Variants in PCDH15 observed in about 807,000 individuals in gnomAD.
PCDH15 encodes protocadherin related 15.
In PCDH15, 129 loss-of-function variants were observed where a neutral mutation model predicts 178.5. The observed-to-expected ratio is 0.72, with a 90% CI of 0.63 to 0.84. The LOEUF (loss-of-function observed/expected upper bound fraction) is 0.84. Ranked by LOEUF, PCDH15 falls within the 40% of genes least tolerant of loss-of-function variation. The probability of loss-of-function intolerance (pLI) is 0.00; values close to 1 mark genes in which losing one functional copy is unlikely to be tolerated. For missense variants in PCDH15, 2,230 were observed against 2,099.9 expected, an observed-to-expected ratio of 1.06 and a Z score of -1.21; for synonymous variants, 800 against 732.0, an observed-to-expected ratio of 1.09 and a Z score of -1.50.
At chr10:55,423,144 T>C (rs1838663978) in intron 2 of PCDH15, among the ~76,000 whole-genome samples, 1 of 151,902 alleles carries the variant, frequency 6.6e-6, no homozygotes, top group Admixed American at 6.6e-5. Context: ...AAAATTATCA[T>C]AAATCTGTAA....
chr10:55,583,826 A>G (rs938406091), intron 2 of PCDH15, among the ~76,000 whole-genome samples: 3 of 152,258 alleles, frequency 2.0e-5, no homozygotes, highest in Admixed American at 2.0e-4. Flanking sequence ...ATATAAAAAG[A>G]TTCAGAAAAT....
intron 28 of PCDH15, among the ~76,000 whole-genome samples, chr10:53,841,687 T>C (rs2077655690): frequency 6.6e-6 from 1 of 152,214 alleles, no homozygotes; most frequent in African/African-American, 2.4e-5. Context: ...TTCATTATTT[T>C]CCTTTTCTGT....
chr10:55,195,046 C>T (rs1401014461), intron 1 of PCDH15, among the ~76,000 whole-genome samples: 4 of 145,666 alleles, frequency 2.7e-5, no homozygotes, highest in South Asian at 4.3e-4. Context: ...TTTTTGGAGA[C>T]GGAGTCTTGC....
intron 5 of PCDH15, among the ~76,000 whole-genome samples, chr10:54,364,127 G>A (rs1475142298): frequency 4.0e-5 from 6 of 151,574 alleles, no homozygotes; most frequent in Admixed American, 2.0e-4. Flanking sequence ...CAGGAGAATC[G>A]CTTGAACCCT....
chr10:55,055,240 T>A (rs1451873396), intron 2 of PCDH15, among the ~76,000 whole-genome samples: 1 of 152,178 alleles, frequency 6.6e-6, no homozygotes, highest in Non-Finnish European at 1.5e-5. Context: ...GGCTAGCCTG[T>A]TATCCAAGCA....
chr10:55,087,703 G>A (rs1842208580), intron 2 of PCDH15, among the ~76,000 whole-genome samples: 1 of 152,112 alleles, frequency 6.6e-6, no homozygotes, highest in African/African-American at 2.4e-5. Context: ...AAAAGACAGT[G>A]TGAATTTTCA....
intron 2 of PCDH15, among the ~76,000 whole-genome samples, chr10:54,957,550 T>A (rs916257944): frequency 2.0e-5 from 3 of 151,460 alleles, no homozygotes; most frequent in Non-Finnish European, 4.4e-5. Flanking sequence ...GAATGTAGCA[T>A]CAGTAATTGC....
At position 55,379,670 on chromosome 10, in the gene PCDH15, T is replaced by C. The variant is rs112384740; in HGVS notation, c.-155-213019A>G. Among the ~76,000 whole-genome samples, 239 of 152,108 alleles carry C rather than the reference T, an allele frequency of 1.6e-3. 1 individual carries two copies. The highest frequency in any genetic ancestry group is 5.2e-3 in the African/African-American group (216 of 41,542). The stretch of plus-strand genomic sequence containing the variant: ...CCAGGCAGTCAGGCTCCAGAATCCA[T>C]AACCTCAAATACTATATTTACCCCC... On this transcript the variant is annotated intron_variant, in intron 2 of 5. Coordinates refer to the PCDH15 transcript ENST00000613346.
chr10:54,820,743 T>C (rs1458166771), intron 3 of PCDH15, among the ~76,000 whole-genome samples: 1 of 152,016 alleles, frequency 6.6e-6, no homozygotes, highest in Non-Finnish European at 1.5e-5. Context: ...ACTTACACTA[T>C]TTTAAGACCT....
At chr10:54,673,013 A>G (rs935980206) in intron 1 of PCDH15, among the ~76,000 whole-genome samples, 1 of 151,906 alleles carries the variant, frequency 6.6e-6, no homozygotes, top group African/African-American at 2.4e-5. Context: ...TACATTCCTA[A>G]TTTTTTTTCT....
At chr10:54,418,413 C>G (rs1371067260) in intron 3 of PCDH15, among the ~76,000 whole-genome samples, 3 of 151,882 alleles carry the variant, frequency 2.0e-5, no homozygotes, top group Admixed American at 1.3e-4. Context: ...ATTCAAATGT[C>G]TGCAATTATC....
chr10:55,083,232 G>C (rs1842087505), intron 2 of PCDH15, among the ~76,000 whole-genome samples: 1 of 151,850 alleles, frequency 6.6e-6, no homozygotes, highest in Admixed American at 6.6e-5. Context: ...TCCCAGAGAT[G>C]CAAGGATGGT....
intron 2 of PCDH15, among the ~76,000 whole-genome samples, chr10:55,157,718 C>T (rs1258961733): frequency 1.4e-4 from 21 of 151,852 alleles, no homozygotes; most frequent in Non-Finnish European, 2.5e-4. Flanking sequence ...GAAAACCAAA[C>T]ATCACATGTT....
chr10:55,412,627 A>C (rs1589001927), intron 2 of PCDH15, among the ~76,000 whole-genome samples: 1 of 152,120 alleles, frequency 6.6e-6, no homozygotes, highest in East Asian at 1.9e-4. Context: ...AGGGATTAAT[A>C]AAATGGAAAA....
intron 2 of PCDH15, among the ~76,000 whole-genome samples, chr10:55,064,827 G>A (rs77388026): frequency 6.6e-6 from 1 of 152,054 alleles, no homozygotes; most frequent in African/African-American, 2.4e-5. Context: ...TTAACTGTGA[G>A]TGAAAATAAC....
At chr10:54,661,469 T>C (rs186850414) in intron 2 of PCDH15, among the ~76,000 whole-genome samples, 195 of 152,052 alleles carry the variant, frequency 1.3e-3, no homozygotes, top group African/African-American at 4.6e-3. Flanking sequence ...TTAAAATGAC[T>C]GTACTGCCCA....
chr10:54,903,179 A>C (rs1407536484), intron 2 of PCDH15, among the ~76,000 whole-genome samples: 1 of 152,182 alleles, frequency 6.6e-6, no homozygotes, highest in Admixed American at 6.5e-5. Context: ...GAAAGAAAAG[A>C]AGGGATACCA....
intron 2 of PCDH15, among the ~76,000 whole-genome samples, chr10:54,992,663 G>T (rs568152183): frequency 6.3e-4 from 95 of 151,886 alleles, no homozygotes; most frequent in Non-Finnish European, 1.2e-3. Context: ...GCTGAGGCAG[G>T]AGAATGGCAT....
intron 2 of PCDH15, among the ~76,000 whole-genome samples, chr10:54,910,168 C>T (rs11004629): frequency 0.11 from 17,043 of 152,144 alleles, 1,306 homozygotes; most frequent in East Asian, 0.23. Context: ...CTCCTGCTGC[C>T]ATCACTGACA....
Sources: gnomAD v4.1 joint callset for allele counts (sites outside exome capture counted in the v4.1 genomes callset) on GRCh38, gnomAD v4.1.1 for gene constraint, MANE v1.5 for transcripts, NCBI Gene and HGNC (gene_info 2026-07-23, HGNC 2026-07-21) for gene names.